The following RNPS1 variants were observed in gnomAD, a reference collection of about 807,000 sequenced individuals.
The protein encoded by RNPS1 is RNA binding protein with serine rich domain 1.
For synonymous variants in RNPS1, 147 were observed against 150.0 expected (o/e 0.98, Z 0.15); for missense variants, 300 against 427.6 (o/e 0.70, Z 2.63).
chr16:2,253,841 C>T lies in RNPS1; in HGVS notation c.*123G>A. ...CCGGCTGGCAGAGGGGTGCTGCCTG[C>T]TGCCTGCAAATCCTGCCAGAGTCAA... On this transcript the variant is annotated 3_prime_UTR_variant, in exon 8 of 8. Transcript: ENST00000320225. 3 of 881,516 alleles carry T rather than the reference C, an allele frequency of 3.4e-6. No homozygotes were observed. The highest frequency in any genetic ancestry group is 1.4e-5 in the South Asian group (1 of 70,670). The allele number at this position is 881,516 out of a possible 1,614,324, so 54.6% of individuals were successfully genotyped here.
chr16:2,263,993 G>A, intron 3 of RNPS1, 183 bp downstream of exon 3: 1 of 668,946 alleles, frequency 1.5e-6, no homozygotes, highest in Middle Eastern at 4.3e-4. Context: ...GCCTCCCAAA[G>A]TGCTGGGATT....
At chr16:2,264,538 C>T (rs757195911) in intron 2 of RNPS1, 35 bp downstream of exon 2, 3 of 1,603,472 alleles carry the variant, frequency 1.9e-6, no homozygotes, top group Admixed American at 3.3e-5. Context: ...TAAGCACCCC[C>T]AAGTAGCACT....
Position 2,260,920 on chromosome 16 carries a change from G to A in RNPS1, c.676+1358C>T, listed in dbSNP as rs183954203. On this transcript the variant is annotated intron_variant, in intron 6 of 7. Transcript: ENST00000320225. ...CCGAGGCAGGCGGATCACAAGGTCA[G>A]GAGATCCAGACCATCCTGGCTAACA... Among the ~76,000 whole-genome samples the A allele has an allele frequency of 6.6e-3, 1,005 of 152,236 alleles. 11 individuals carry two copies. Among genetic ancestry groups the A allele is most frequent in the African/African-American group, 0.023 (959 of 41,540 alleles).
intron 5 of RNPS1, 142 bp downstream of exon 5, chr16:2,262,598 A>G: frequency 1.1e-6 from 1 of 939,590 alleles, no homozygotes; most frequent in African/African-American, 1.7e-5. Context: ...TTAATGGTCC[A>G]CCAAGAGGAA....
chr16:2,254,711 G>A (rs182109658), intron 7 of RNPS1, among the ~76,000 whole-genome samples: 8 of 148,230 alleles, frequency 5.4e-5, no homozygotes, highest in Non-Finnish European at 1.0e-4. Flanking sequence ...GATTACAGGC[G>A]ATTGCTACCA....
chr16:2,261,240 T>C (rs1276249024), intron 6 of RNPS1, among the ~76,000 whole-genome samples: 2 of 152,202 alleles, frequency 1.3e-5, no homozygotes, highest in African/African-American at 4.8e-5. Context: ...ATCTAAGCTA[T>C]GCTTTCCTCA....
chr16:2,253,502 G>T lies in RNPS1; in HGVS notation c.*462C>A. ...GGGGGTGTGACCCTTGAGGTCAGAA[G>T]AGGCCTCGAGAGGCCAGGCCTAACA... On this transcript the variant is annotated 3_prime_UTR_variant, in exon 8 of 8. Transcript: ENST00000320225. 1 of 263,074 alleles carries T rather than the reference G, an allele frequency of 3.8e-6. No individual in the cohort carries two copies. The highest frequency in any genetic ancestry group is 3.6e-5 in the South Asian group (1 of 27,658). 16.3% of individuals were successfully genotyped at this position (263,074 alleles called of 1,614,324 possible).
Position 2,268,085 on chromosome 16 carries a change from T to A in RNPS1, c.-148A>T. On this transcript the variant is annotated 5_prime_UTR_variant, in exon 1 of 8. Transcript: ENST00000320225. ...CCCGCCGCCGCCACCTCCTCCTGCT[T>A]TCCTCAGCCGCCGAGGCCGGCGCCG... 1 of 1,535,422 alleles carries A rather than the reference T, an allele frequency of 6.5e-7. No homozygotes were observed. Among genetic ancestry groups the A allele is most frequent in the Non-Finnish European group, 8.7e-7 (1 of 1,146,626 alleles).
At position 2,267,022 on chromosome 16, in the gene RNPS1, C is replaced by A. The variant is rs1034347878; in HGVS notation, c.-118+1033G>T. 1.8e-5 allele frequency: 7 copies of A among 381,152 alleles called. No individual in the cohort carries two copies. In the South Asian group the frequency reaches 5.4e-4, roughly 29 times the overall value. 23.6% of individuals were successfully genotyped at this position (381,152 alleles called of 1,614,324 possible). On this transcript the variant is annotated intron_variant, in intron 1 of 7. Transcript: ENST00000320225. ...CACCCGCAGATTCCAGCCCCACCCC[C>A]CCAAGAACTAAGATCTGCCCGAATG...
rs1184553400 is a variant in RNPS1 at position 2,261,014 on chromosome 16, C to T, written c.676+1264G>A. ...GCATGGTGGTGGGCGCCTGTAGTCC[C>T]AGCTACTCGGGAGGCTGAGGGAGGA... is the stretch of plus-strand genomic sequence containing the variant. On this transcript the variant is annotated intron_variant, in intron 6 of 7. Transcript: ENST00000320225. Among the ~76,000 whole-genome samples the T allele has an allele frequency of 7.2e-5, 11 of 152,036 alleles. No individual in the cohort carries two copies. The East Asian group carries it at 9.7e-4, about 13-fold the overall frequency.
chr16:2,266,805 C>T, intron 1 of RNPS1: 2 of 654,106 alleles, frequency 3.1e-6, no homozygotes, highest in Non-Finnish European at 3.8e-6. Context: ...TAACGTTTGA[C>T]ACATCCAAAA....
Position 2,253,831 on chromosome 16 carries a change from G to C in RNPS1, c.*133C>G. The C allele has an allele frequency of 1.2e-6, 1 of 805,680 alleles. No homozygotes were observed. 49.9% of individuals were successfully genotyped at this position (805,680 alleles called of 1,614,324 possible). On this transcript the variant is annotated 3_prime_UTR_variant, in exon 8 of 8. Coordinates refer to ENST00000320225, the MANE Select transcript of RNPS1 (RefSeq NM_080594.4). The stretch of plus-strand genomic sequence containing the variant: ...CAGCCGGGGCCCGGCTGGCAGAGGG[G>C]TGCTGCCTGCTGCCTGCAAATCCTG...
rs371856042 is a variant in RNPS1 at position 2,268,081 on chromosome 16, T to G, written c.-144A>C. ...TCTTCCCGCCGCCGCCACCTCCTCCTGCTTTCCTCAGCCGCCGAGGCCGGC... is the reference window on the plus strand; with the variant it reads ...TCTTCCCGCCGCCGCCACCTCCTCCGGCTTTCCTCAGCCGCCGAGGCCGGC... On this transcript the variant is annotated 5_prime_UTR_variant, in exon 1 of 8. Transcript: ENST00000320225. The G allele has an allele frequency of 3.9e-6, 6 of 1,535,322 alleles. No individual in the cohort carries two copies. The highest frequency in any genetic ancestry group is 2.0e-5 in the Admixed American group (1 of 50,984).
chr16:2,259,367 AATT>A (rs1401625280), intron 6 of RNPS1, among the ~76,000 whole-genome samples: 4 of 152,178 alleles, frequency 2.6e-5, no homozygotes, highest in Non-Finnish European at 4.4e-5. Context: ...TGTTATGTTA[AATT>A]ATTGTGTGCC....
At chr16:2,267,704 C>G in intron 1 of RNPS1, 1 of 1,216,504 alleles carries the variant, frequency 8.2e-7, no homozygotes, top group African/African-American at 1.6e-5. Flanking sequence ...GCTTCCAGGG[C>G]AGGGCCTGGC....
chr16:2,260,975 A>C lies in RNPS1; in HGVS notation c.676+1303T>G, dbSNP rs535753128. ...GAAACCCCGTCTCTACTAAAAATAC[A>C]AAAAATTAGCCAGGCATGGTGGTGG... On this transcript the variant is annotated intron_variant, in intron 6 of 7. Coordinates refer to ENST00000320225, the MANE Select transcript of RNPS1 (RefSeq NM_080594.4). Among the ~76,000 whole-genome samples, 9 of 152,162 alleles carry C rather than the reference A, an allele frequency of 5.9e-5. No individual in the cohort carries two copies. In the East Asian group the frequency reaches 1.5e-3, roughly 26 times the overall value.
intron 7 of RNPS1, 36 bp from the exon 8 acceptor site, chr16:2,254,099 A>C: frequency 1.0e-5 from 14 of 1,388,838 alleles, no homozygotes; most frequent in South Asian, 1.5e-5. Context: ...AGAGTAGCTC[A>C]GGCTGTAGGG....
At chr16:2,263,434 ACCC>A (rs1393666536) in intron 3 of RNPS1, 147 bp from the exon 4 acceptor site, 1 of 731,760 alleles carries the variant, frequency 1.4e-6, no homozygotes, top group Non-Finnish European at 2.3e-6. Flanking sequence ...GGAAAACATC[ACCC>A]CCCAATCCCC....
chr16:2,262,489 A>G, intron 5 of RNPS1, 58 bp from the exon 6 acceptor site: 1 of 1,584,522 alleles, frequency 6.3e-7, no homozygotes, highest in Non-Finnish European at 8.7e-7. Flanking sequence ...CGTCAGACGC[A>G]GAGAGCTCAG....
Sources: gnomAD v4.1 joint callset for allele counts (sites outside exome capture counted in the v4.1 genomes callset) on GRCh38, gnomAD v4.1.1 for gene constraint, MANE v1.5 for transcripts, NCBI Gene and HGNC (gene_info 2026-07-23, HGNC 2026-07-21) for gene names.